The following POLD3 variants were observed in gnomAD, a reference collection of about 807,000 sequenced individuals.
The protein encoded by POLD3 is DNA polymerase delta subunit 3.
Under a neutral mutation model 58.2 loss-of-function variants are expected in POLD3, and 19 were observed. The ratio of observed to expected loss-of-function variants is 0.33; its 90% CI spans 0.23 to 0.48. The LOEUF is 0.48. Among genes scored for constraint, POLD3 ranks in the 20% least tolerant of loss-of-function variants. The pLI is 0.99. For synonymous variants in POLD3, 172 were observed against 193.5 expected, an observed-to-expected ratio of 0.89 and a Z score of 0.92; for missense variants, 504 against 545.5, an observed-to-expected ratio of 0.92 and a Z score of 0.76.
intron 2 of POLD3, among the ~76,000 whole-genome samples, chr11:74,600,599 C>T (rs1330575438): frequency 6.6e-6 from 1 of 151,776 alleles, no homozygotes; most frequent in African/African-American, 2.4e-5. Context: ...CGCGCCACTG[C>T]ACTCCAGCCT....
chr11:74,617,301 C>T (rs2032109059), intron 5 of POLD3, among the ~76,000 whole-genome samples: 2 of 152,216 alleles, frequency 1.3e-5, no homozygotes, highest in African/African-American at 4.8e-5. Context: ...GGCATACTTA[C>T]TTGTCCGGTG....
chr11:74,665,879 A>G (rs1177572144), intron 4 of POLD3, among the ~76,000 whole-genome samples: 1 of 152,224 alleles, frequency 6.6e-6, no homozygotes, highest in Non-Finnish European at 1.5e-5. Flanking sequence ...CTTATATTCA[A>G]CATTGTACTG....
At chr11:74,645,378 TA>T (rs1446529425), downstream of POLD3, among the ~76,000 whole-genome samples, 1 of 152,224 alleles carries the variant, frequency 6.6e-6, no homozygotes, top group East Asian at 1.9e-4. Flanking sequence ...AGCAAGCAGT[TA>T]TCAGGAATTA....
intron 8 of POLD3, among the ~76,000 whole-genome samples, chr11:74,626,100 T>A (rs552223351): frequency 6.6e-6 from 1 of 152,292 alleles, no homozygotes; most frequent in African/African-American, 2.4e-5. Flanking sequence ...TTGGTAGAAT[T>A]AGTCTGCTGA....
At position 74,618,776 on chromosome 11, in the gene POLD3, C is replaced by G; in HGVS notation, c.632C>G (p.Thr211Arg). 1.2e-6 allele frequency: 2 copies of G among 1,613,326 alleles called. No individual in the cohort carries two copies. Residue 211 changes from threonine to arginine, a missense_variant, in exon 6 of 12, where the codon ACG becomes AGG. Around this residue, in one of 2 missense-constraint regions of POLD3, gnomAD observed 385 missense variants for 370.5 expected, o/e 1.04. Transcript: ENST00000263681. ...AAAACCCAAGAAACCAACAAGGAAACGAAAACAGAGGCTAAAGAAGTAACA... is the reference window on the plus strand; with the variant it reads ...AAAACCCAAGAAACCAACAAGGAAAGGAAAACAGAGGCTAAAGAAGTAACA... ...AAKTQETNKE[T>R]KTEAKEVTNA...
At chr11:74,597,650 G>A (rs552115868) in intron 2 of POLD3, among the ~76,000 whole-genome samples, 1 of 152,262 alleles carries the variant, frequency 6.6e-6, no homozygotes, top group African/African-American at 2.4e-5. Context: ...TTGTAGAGAC[G>A]GGGTTTTGCT....
intron 5 of POLD3, among the ~76,000 whole-genome samples, chr11:74,614,579 A>G (rs532143643): frequency 4.7e-4 from 72 of 152,248 alleles, no homozygotes; most frequent in Non-Finnish European, 7.1e-4. Context: ...GCACGGTGGC[A>G]GGCACCTATA....
chr11:74,645,313 TTTAA>T (rs2032985641), downstream of POLD3, among the ~76,000 whole-genome samples: 1 of 152,262 alleles, frequency 6.6e-6, no homozygotes, highest in Non-Finnish European at 1.5e-5. Flanking sequence ...TTAGTGAATC[TTTAA>T]TTAATGGAGT....
downstream of POLD3, among the ~76,000 whole-genome samples, chr11:74,646,190 C>T (rs546429672): frequency 6.6e-6 from 1 of 152,262 alleles, no homozygotes; most frequent in South Asian, 2.1e-4. Context: ...CCAGGCTGGT[C>T]TCAAACTCCT....
intron 2 of POLD3, among the ~76,000 whole-genome samples, chr11:74,603,224 C>T (rs1565112541): frequency 6.6e-6 from 1 of 152,080 alleles, no homozygotes; most frequent in Non-Finnish European, 1.5e-5. Context: ...TTCACTCTGG[C>T]AGCATCATGG....
At chr11:74,636,149 G>A (rs980532802) in intron 10 of POLD3, 48 bp from the exon 11 acceptor site, 2 of 1,550,126 alleles carry the variant, frequency 1.3e-6, no homozygotes, top group Admixed American at 1.8e-5. Context: ...TTATTTTTCT[G>A]TATAACATAA....
intron 4 of POLD3, among the ~76,000 whole-genome samples, chr11:74,657,483 ATTATT>A (rs1206223065): frequency 1.4e-5 from 2 of 143,526 alleles, no homozygotes; most frequent in Non-Finnish European, 2.9e-5. Flanking sequence ...CTTATGACTC[ATTATT>A]TTAAACTGGT....
Position 74,642,572 on chromosome 11 carries a change from A to G in POLD3, c.*1806A>G. 1 of 985,342 alleles carries G rather than the reference A, an allele frequency of 1.0e-6. No homozygotes were observed. The highest frequency in any genetic ancestry group is 1.2e-6 in the Non-Finnish European group (1 of 829,844). The allele number at this position is 985,342 out of a possible 1,614,324, so 61.0% of individuals were successfully genotyped here. The stretch of plus-strand genomic sequence containing the variant: ...GTTGGAGTTCCATCTTGCAAGGGAT[A>G]ATACAAATCCTATGATCTCTATGCC... On this transcript the variant is annotated 3_prime_UTR_variant, in exon 12 of 12. Coordinates refer to ENST00000263681, the MANE Select transcript of POLD3 (RefSeq NM_006591.3).
chr11:74,596,030 A>T (rs970069083), intron 2 of POLD3, among the ~76,000 whole-genome samples: 7 of 133,850 alleles, frequency 5.2e-5, no homozygotes, highest in South Asian at 2.4e-4. Context: ...TTTTAATCTT[A>T]TTTTTTTTTT....
At chr11:74,599,956 ATTTT>A (rs11310017) in intron 2 of POLD3, among the ~76,000 whole-genome samples, 1 of 144,642 alleles carries the variant, frequency 6.9e-6, no homozygotes, top group Non-Finnish European at 1.5e-5. Context: ...TATTATTATT[ATTTT>A]TTTTTTTTTT....
intron 2 of POLD3, 147 bp downstream of exon 2, chr11:74,594,263 G>T: frequency 1.6e-6 from 1 of 610,424 alleles, no homozygotes. Context: ...TTGTAGCTGC[G>T]TAATTCCAAT....
At chr11:74,594,011 C>T (rs1452800289) in intron 1 of POLD3, 50 bp from the exon 2 acceptor site, 2 of 929,110 alleles carry the variant, frequency 2.2e-6, no homozygotes, top group Non-Finnish European at 1.8e-6. Flanking sequence ...GACTGATGTG[C>T]ACTCTGGAGT....
intron 4 of POLD3, among the ~76,000 whole-genome samples, chr11:74,653,191 C>T (rs1454218585): frequency 6.6e-6 from 1 of 152,080 alleles, no homozygotes; most frequent in Non-Finnish European, 1.5e-5. Context: ...TTGCAAAAAC[C>T]ACAGTAACTT....
rs2031444660 is a variant in POLD3 at position 74,600,312 on chromosome 11, C to T, written c.117-4380C>T. On this transcript the variant is annotated intron_variant, in intron 2 of 11. Coordinates refer to ENST00000263681, the MANE Select transcript of POLD3 (RefSeq NM_006591.3). ...AAAAATATTTGGCTTAGGCTGGGCG[C>T]GGTGACTAATGCCTGTAATCCTAGC... Among the ~76,000 whole-genome samples the T allele has an allele frequency of 5.3e-5, 8 of 152,216 alleles. No homozygotes were observed. In the South Asian group the frequency reaches 1.4e-3, roughly 28 times the overall value.
Sources: allele counts gnomAD v4.1 joint callset (sites outside exome capture counted in the v4.1 genomes callset), GRCh38; gene constraint gnomAD v4.1.1; regional missense constraint gnomAD v4.1.1; transcripts MANE v1.5; gene names NCBI Gene and HGNC (gene_info 2026-07-23, HGNC 2026-07-21).